CDKAL1: variants seen among roughly 807,000 people sequenced by gnomAD.
The protein encoded by CDKAL1 is threonylcarbamoyladenosine tRNA methylthiotransferase.
In CDKAL1, 32 loss-of-function variants were observed where a neutral mutation model predicts 68.2. The ratio of observed to expected loss-of-function variants is 0.47; its 90% CI spans 0.35 to 0.63. The LOEUF (loss-of-function observed/expected upper bound fraction) is 0.63. CDKAL1 is among the 30% of genes least tolerant of loss of function. The probability of loss-of-function intolerance (pLI) is 0.00; values close to 1 mark genes in which losing one functional copy is unlikely to be tolerated. For synonymous variants in CDKAL1, 234 were observed against 244.3 expected (o/e 0.96, Z 0.39); for missense variants, 606 against 696.7 (o/e 0.87, Z 1.47).
At chr6:20,853,779 A>G (rs1307409982) in intron 9 of CDKAL1, among the ~76,000 whole-genome samples, 2 of 152,156 alleles carry the variant, frequency 1.3e-5, no homozygotes, top group African/African-American at 2.4e-5. Flanking sequence ...AAGAACCACT[A>G]TTCTAGAAAA....
rs1766964723 is a variant in CDKAL1, at chr6:20,993,813, C to G, written c.910-6414C>G. ...ATTATCACTTTGTAAGATGAGGATT[C>G]CATGGAATAGTACCAGATGGAAACA... is the stretch of plus-strand genomic sequence containing the variant. On this transcript the variant is annotated intron_variant, in intron 10 of 15. Coordinates refer to ENST00000274695, the MANE Select transcript of CDKAL1 (RefSeq NM_017774.3). Among the ~76,000 whole-genome samples the G allele has an allele frequency of 2.6e-5, 4 of 152,092 alleles. No individual in the cohort carries two copies. In the South Asian group the frequency reaches 8.3e-4, roughly 32 times the overall value.
chr6:21,205,292 C>T (rs1377809828), intron 15 of CDKAL1, among the ~76,000 whole-genome samples: 1 of 152,096 alleles, frequency 6.6e-6, no homozygotes, highest in African/African-American at 2.4e-5. Context: ...CGAGTCCCTG[C>T]TCTCAATTCT....
intron 2 of CDKAL1, among the ~76,000 whole-genome samples, chr6:20,543,569 C>T (rs1189502891): frequency 6.6e-6 from 1 of 152,096 alleles, no homozygotes; most frequent in African/African-American, 2.4e-5. Context: ...TAGGGTCTTT[C>T]TTAAAGCAAA....
chr6:21,143,523 A>G (rs1211755374), intron 13 of CDKAL1, among the ~76,000 whole-genome samples: 1 of 152,124 alleles, frequency 6.6e-6, no homozygotes, highest in Non-Finnish European at 1.5e-5. Flanking sequence ...AATTGACTTG[A>G]TGTGGTTTGG....
intron 10 of CDKAL1, among the ~76,000 whole-genome samples, chr6:20,975,221 C>T (rs546179979): frequency 7.0e-4 from 107 of 152,268 alleles, no homozygotes; most frequent in East Asian, 9.6e-4. Flanking sequence ...TTAATCTCTG[C>T]CGTCTCCAGG....
intron 9 of CDKAL1, among the ~76,000 whole-genome samples, chr6:20,946,785 G>A (rs1009415249): frequency 4.6e-5 from 7 of 151,670 alleles, no homozygotes; most frequent in South Asian, 4.2e-4. Context: ...TAGTAGAGAC[G>A]GGGGTTTCTC....
At chr6:20,866,278 A>C (rs189548296) in intron 9 of CDKAL1, among the ~76,000 whole-genome samples, 3 of 152,326 alleles carry the variant, frequency 2.0e-5, no homozygotes, top group Non-Finnish European at 4.4e-5. Context: ...GGACTGAATA[A>C]ATGTGCAACT....
intron 5 of CDKAL1, among the ~76,000 whole-genome samples, chr6:20,724,900 G>A (rs1205755769): frequency 6.6e-6 from 1 of 152,042 alleles, no homozygotes; most frequent in African/African-American, 2.4e-5. Context: ...TAAATTTTTA[G>A]TAGGAACCAG....
At chr6:20,745,424 C>T (rs572009550) in intron 6 of CDKAL1, among the ~76,000 whole-genome samples, 29 of 152,242 alleles carry the variant, frequency 1.9e-4, no homozygotes, top group African/African-American at 7.0e-4. Context: ...GCCCCTACTT[C>T]GAACATTTCT....
chr6:20,807,554 T>C (rs1312554376), intron 8 of CDKAL1, among the ~76,000 whole-genome samples: 1 of 152,190 alleles, frequency 6.6e-6, no homozygotes, highest in Non-Finnish European at 1.5e-5. Context: ...ACTGCCCTTC[T>C]CTACTGTTTC....
Position 20,946,104 on chromosome 6 carries a change from A to T in CDKAL1, c.743-9315A>T, listed in dbSNP as rs151116390. Among the ~76,000 whole-genome samples, 767 of 152,334 alleles carry T rather than the reference A, an allele frequency of 5.0e-3. 3 individuals carry two copies. Among genetic ancestry groups the T allele is most frequent in the Middle Eastern group, 0.014 (4 of 294 alleles). On this transcript the variant is annotated intron_variant, in intron 9 of 15. Coordinates refer to ENST00000274695, the MANE Select transcript of CDKAL1 (RefSeq NM_017774.3). ...ATATTGCATAATTATTGGCTATGAC[A>T]GTGCATTGTTTATCAACATGTCATC...
At chr6:20,968,780 T>C (rs1268387233) in intron 10 of CDKAL1, among the ~76,000 whole-genome samples, 4 of 152,078 alleles carry the variant, frequency 2.6e-5, no homozygotes, top group Non-Finnish European at 2.9e-5. Flanking sequence ...TCATTATTGG[T>C]ACTCTATTTG....
chr6:21,212,568 T>TGAGA (rs879451560), intron 15 of CDKAL1, among the ~76,000 whole-genome samples: 4 of 152,158 alleles, frequency 2.6e-5, no homozygotes, highest in Non-Finnish European at 5.9e-5. Flanking sequence ...ATCTCTCCTA[T>TGAGA]GAGACTCAGA....
At chr6:20,697,335 G>A (rs986390042) in intron 5 of CDKAL1, among the ~76,000 whole-genome samples, 1 of 152,102 alleles carries the variant, frequency 6.6e-6, no homozygotes, top group African/African-American at 2.4e-5. Context: ...TGCTTTTGGT[G>A]AGATGTTTGA....
At chr6:20,753,795 C>G (rs549455052) in intron 6 of CDKAL1, among the ~76,000 whole-genome samples, 5 of 152,122 alleles carry the variant, frequency 3.3e-5, no homozygotes, top group African/African-American at 1.2e-4. Flanking sequence ...GGAGTTATAA[C>G]TAGGATTGAC....
chr6:20,983,085 A>G (rs957882936), intron 10 of CDKAL1, among the ~76,000 whole-genome samples: 3 of 152,222 alleles, frequency 2.0e-5, no homozygotes, highest in African/African-American at 4.8e-5. Flanking sequence ...TTACGTTCCA[A>G]TTAAAGAACT....
At chr6:21,062,005 T>C (rs1478037592) in intron 11 of CDKAL1, among the ~76,000 whole-genome samples, 7 of 152,212 alleles carry the variant, frequency 4.6e-5, no homozygotes, top group African/African-American at 1.7e-4. Flanking sequence ...TGAAAATCCC[T>C]TTCCCTAACA....
chr6:20,862,635 T>TTGTGTG (rs56736298), intron 9 of CDKAL1, among the ~76,000 whole-genome samples: 1,809 of 149,184 alleles, frequency 0.012, 25 homozygotes, highest in African/African-American at 0.036. Context: ...TCTTTCCAAC[T>TTGTGTG]TGTGTGTGTG....
intron 12 of CDKAL1, among the ~76,000 whole-genome samples, chr6:21,077,988 C>T (rs535938715): frequency 1.1e-4 from 16 of 152,146 alleles, no homozygotes; most frequent in South Asian, 6.2e-4. Context: ...CTCTGAAGGT[C>T]AAGGAAGGGA....
Sources: allele counts gnomAD v4.1 joint callset (sites outside exome capture counted in the v4.1 genomes callset), GRCh38; gene constraint gnomAD v4.1.1; transcripts MANE v1.5; gene names NCBI Gene and HGNC (gene_info 2026-07-23, HGNC 2026-07-21).